SUPT3H: variants seen among roughly 807,000 people sequenced by gnomAD.
The protein encoded by SUPT3H is SPT3 homolog, SAGA and STAGA complex component.
Under a neutral mutation model 44.3 loss-of-function variants are expected in SUPT3H, and 44 were observed. The observed-to-expected ratio is 0.99, with a 90% confidence interval of 0.78 to 1.28. The LOEUF (loss-of-function observed/expected upper bound fraction) is 1.28, where lower values mean the gene tolerates loss of function less well. SUPT3H is among the 50% of genes most tolerant of loss of function. The probability of loss-of-function intolerance (pLI) is 0.00; values close to 1 mark genes in which losing one functional copy is unlikely to be tolerated. For missense variants in SUPT3H, 380 were observed against 387.1 expected (o/e 0.98, Z 0.15); for synonymous variants, 124 against 125.6 (o/e 0.99, Z 0.09).
At chr6:45,296,307 G>A (rs1168707522) in intron 2 of SUPT3H, among the ~76,000 whole-genome samples, 1 of 151,948 alleles carries the variant, frequency 6.6e-6, no homozygotes, top group Non-Finnish European at 1.5e-5. Context: ...GTGAAGTAAT[G>A]CAGGAATAGA....
chr6:45,032,936 A>T (rs1787160550), intron 3 of SUPT3H, among the ~76,000 whole-genome samples: 1 of 152,114 alleles, frequency 6.6e-6, no homozygotes, highest in South Asian at 2.1e-4. Context: ...GCCTCTGAAG[A>T]CTCTGAGTTG....
intron 2 of SUPT3H, among the ~76,000 whole-genome samples, chr6:45,271,759 C>T (rs1562837413): frequency 6.6e-6 from 1 of 152,146 alleles, no homozygotes; most frequent in Admixed American, 6.5e-5. Flanking sequence ...GCATGGACAC[C>T]TTGCATTGTC....
At chr6:45,171,713 CTTTTTTTTTT>C (rs777154020) in intron 2 of SUPT3H, among the ~76,000 whole-genome samples, 32 of 93,482 alleles carry the variant, frequency 3.4e-4, no homozygotes, top group Middle Eastern at 0.012. Flanking sequence ...ATTCCACTTG[CTTTTTTTTTT>C]TTTTTTTTTT....
rs568698570 is a variant in SUPT3H at position 45,183,542 on chromosome 6, A to G, written c.102-77536T>C. ...AAAAAGGTCCCACAAGCTTTTAAACAACCAGCTCTTGCGTGAACTCAGAGT... is the reference window on the plus strand; with the variant it reads ...AAAAAGGTCCCACAAGCTTTTAAACGACCAGCTCTTGCGTGAACTCAGAGT... On this transcript the variant is annotated intron_variant, in intron 2 of 10. Coordinates refer to ENST00000371459, the MANE Select transcript of SUPT3H (RefSeq NM_003599.4). Among the ~76,000 whole-genome samples, 246 of 152,324 alleles carry G rather than the reference A, an allele frequency of 1.6e-3. 5 individuals carry two copies. The South Asian group carries it at 0.03, about 19-fold the overall frequency.
At chr6:44,914,325 G>A (rs1347054671) in intron 10 of SUPT3H, among the ~76,000 whole-genome samples, 1 of 152,208 alleles carries the variant, frequency 6.6e-6, no homozygotes, top group Non-Finnish European at 1.5e-5. Flanking sequence ...AGTGCTGAAT[G>A]AGGTGCAGAG....
chr6:44,991,929 A>C (rs1780670067), intron 6 of SUPT3H, among the ~76,000 whole-genome samples: 1 of 152,166 alleles, frequency 6.6e-6, no homozygotes, highest in Admixed American at 6.6e-5. Context: ...ATAAAGATAA[A>C]TAAAGGCCAA....
chr6:44,972,341 T>G (rs12526755), intron 6 of SUPT3H, among the ~76,000 whole-genome samples: 18,340 of 152,210 alleles, frequency 0.12, 1,441 homozygotes, highest in East Asian at 0.27. Flanking sequence ...AAATGATCTC[T>G]TTTGACTCCA....
intron 6 of SUPT3H, among the ~76,000 whole-genome samples, chr6:44,973,607 T>TC (rs1297214395): frequency 6.6e-6 from 1 of 152,186 alleles, no homozygotes; most frequent in Non-Finnish European, 1.5e-5. Flanking sequence ...TTCCACATTT[T>TC]CAGGTATTTT....
intron 2 of SUPT3H, among the ~76,000 whole-genome samples, chr6:45,278,940 T>C (rs931212044): frequency 1.1e-4 from 17 of 152,190 alleles, no homozygotes; most frequent in Non-Finnish European, 2.2e-4. Context: ...AGATACAATG[T>C]AGAATTTTTT....
intron 2 of SUPT3H, chr6:45,158,974 C>G (rs1808480286): frequency 6.6e-6 from 1 of 152,154 alleles, no homozygotes; most frequent in African/African-American, 2.4e-5. Flanking sequence ...TTCAATTTGA[C>G]TGAGTGTTCA....
At chr6:45,028,896 CAAAAAAAAAAAAA>C (rs57234806) in intron 3 of SUPT3H, among the ~76,000 whole-genome samples, 2 of 71,052 alleles carry the variant, frequency 2.8e-5, no homozygotes, top group Admixed American at 1.6e-4. Context: ...AAACAGTTGC[CAAAAAAAAAAAAA>C]AAAAAAAAAA....
chr6:45,102,206 G>A (rs1162306457), intron 3 of SUPT3H, among the ~76,000 whole-genome samples: 1 of 152,090 alleles, frequency 6.6e-6, no homozygotes, highest in East Asian at 1.9e-4. Context: ...GTATTCTACA[G>A]TAAGGGAATA....
intron 2 of SUPT3H, among the ~76,000 whole-genome samples, chr6:45,166,527 G>A (rs1312598209): frequency 1.4e-5 from 2 of 145,890 alleles, no homozygotes; most frequent in South Asian, 4.4e-4. Flanking sequence ...AGAGCTTGCA[G>A]TGAGCAGAGA....
chr6:45,016,735 G>T (rs1398602787), intron 4 of SUPT3H, among the ~76,000 whole-genome samples: 1 of 151,800 alleles, frequency 6.6e-6, no homozygotes, highest in Admixed American at 6.6e-5. Context: ...TCTTAATCCA[G>T]TCTATCATTG....
intron 10 of SUPT3H, among the ~76,000 whole-genome samples, chr6:44,928,888 A>AATAAAT (rs1221192083): frequency 7.7e-6 from 1 of 129,716 alleles, no homozygotes; most frequent in African/African-American, 2.9e-5. Context: ...GTCTCAAAAA[A>AATAAAT]AAAAAAAAAA....
chr6:45,051,174 C>T (rs890263061), intron 3 of SUPT3H, among the ~76,000 whole-genome samples: 14 of 152,152 alleles, frequency 9.2e-5, no homozygotes, highest in Admixed American at 3.9e-4. Flanking sequence ...CAGGCGTGAG[C>T]CACTGCGCCC....
chr6:45,377,066 A>C (rs1351129675), intron 1 of SUPT3H, among the ~76,000 whole-genome samples: 1 of 151,890 alleles, frequency 6.6e-6, no homozygotes, highest in African/African-American at 2.4e-5. Flanking sequence ...CTCACGTGTG[A>C]GACCAAGTGT....
chr6:45,112,583 C>T (rs1250115183), intron 2 of SUPT3H, among the ~76,000 whole-genome samples: 1 of 151,952 alleles, frequency 6.6e-6, no homozygotes, highest in African/African-American at 2.4e-5. Flanking sequence ...AGGGGAAGGA[C>T]TGATTAAGTT....
intron 10 of SUPT3H, among the ~76,000 whole-genome samples, chr6:44,866,871 A>G (rs984478870): frequency 2.0e-5 from 3 of 152,252 alleles, no homozygotes; most frequent in Non-Finnish European, 2.9e-5. Flanking sequence ...ACAAATCATT[A>G]CCAAGGGTTG....
Sources: allele counts gnomAD v4.1 joint callset (sites outside exome capture counted in the v4.1 genomes callset), GRCh38; gene constraint gnomAD v4.1.1; transcripts MANE v1.5; gene names NCBI Gene and HGNC (gene_info 2026-07-23, HGNC 2026-07-21).